The following RBFOX1 variants were observed in gnomAD, a reference collection of about 807,000 sequenced individuals.
The protein encoded by RBFOX1 is RNA binding fox-1 homolog 1.
RBFOX1 carries 8 observed loss-of-function variants against 57.7 expected under a neutral mutation model. The observed-to-expected ratio is 0.14, with a 90% CI of 0.08 to 0.25. The LOEUF (loss-of-function observed/expected upper bound fraction) is 0.25, where lower values mean the gene tolerates loss of function less well. RBFOX1 is among the 10% of genes least tolerant of loss of function. RBFOX1 has a pLI of 1.00. For synonymous variants in RBFOX1, 326 were observed against 222.4 expected (o/e 1.47, Z -4.15); for missense variants, 611 against 548.5 (o/e 1.11, Z -1.14).
At chr16:6,202,819 A>G (rs1358807403) in intron 1 of RBFOX1, among the ~76,000 whole-genome samples, 1 of 152,010 alleles carries the variant, frequency 6.6e-6, no homozygotes, top group African/African-American at 2.4e-5. Context: ...ACAGGATCTC[A>G]TTCTGTTGCC....
At chr16:7,310,071 G>A (rs958451828) in intron 4 of RBFOX1, among the ~76,000 whole-genome samples, 2 of 152,226 alleles carry the variant, frequency 1.3e-5, no homozygotes, top group African/African-American at 2.4e-5. Flanking sequence ...GCCCTATTGA[G>A]GGCGGCTGTG....
intron 3 of RBFOX1, among the ~76,000 whole-genome samples, chr16:7,038,071 TC>T (rs2045059916): frequency 6.6e-6 from 1 of 151,034 alleles, no homozygotes; most frequent in African/African-American, 2.4e-5. Context: ...GGTATGTAAA[TC>T]CCCCACTTGC....
At chr16:7,706,799 G>A (rs535627324) in intron 14 of RBFOX1, among the ~76,000 whole-genome samples, 31 of 152,216 alleles carry the variant, frequency 2.0e-4, no homozygotes, top group African/African-American at 6.5e-4. Flanking sequence ...ATGAAATAAA[G>A]AGCAGTACCA....
At chr16:7,163,605 A>C (rs1252203247) in intron 4 of RBFOX1, among the ~76,000 whole-genome samples, 1 of 151,958 alleles carries the variant, frequency 6.6e-6, no homozygotes, top group South Asian at 2.1e-4. Flanking sequence ...AGAGCAGAAT[A>C]AGCTGAGGAC....
chr16:5,691,502 G>A (rs1369896822), intron 3 of RBFOX1, among the ~76,000 whole-genome samples: 1 of 152,228 alleles, frequency 6.6e-6, no homozygotes, highest in African/African-American at 2.4e-5. Context: ...ATATATTTGT[G>A]TGTGTGTACA....
At chr16:7,106,089 T>C (rs1279127281) in intron 4 of RBFOX1, among the ~76,000 whole-genome samples, 1 of 152,198 alleles carries the variant, frequency 6.6e-6, no homozygotes, top group East Asian at 1.9e-4. Flanking sequence ...ACCTCCTGTC[T>C]TGAATTCCTC....
rs545279840 is a variant in RBFOX1 at position 6,164,399 on chromosome 16, T to C, written c.-127+144407T>C. Among the ~76,000 whole-genome samples the C allele has an allele frequency of 4.9e-4, 74 of 152,214 alleles. 2 individuals are homozygous for C. In the South Asian group the frequency reaches 0.015, roughly 30 times the overall value. ...TATTTGTATCCTGAGGAATCTTGCATTTCCAAAATATATATATATTAGTTA... is the reference window on the plus strand; with the variant it reads ...TATTTGTATCCTGAGGAATCTTGCACTTCCAAAATATATATATATTAGTTA... On this transcript the variant is annotated intron_variant, in intron 1 of 15. Transcript: ENST00000550418.
Position 7,049,680 on chromosome 16 carries a change from GT to G in RBFOX1, c.-15-2373del, listed in dbSNP as rs1201005497. 2.6e-5 allele frequency among the ~76,000 whole-genome samples: 4 copies of G among 152,024 alleles called. No individual in the cohort carries two copies. The East Asian group carries it at 5.8e-4, about 22-fold the overall frequency. On this transcript the variant is annotated intron_variant, in intron 3 of 15. Transcript: ENST00000550418. Reference sequence around the variant, plus strand: ...TGTGGCGGTACTTTAAATTTTGGTCGTTTTGTTCCCCCCTCCACTTGCTGCT... The same window carrying G: ...TGTGGCGGTACTTTAAATTTTGGTCGTTTGTTCCCCCCTCCACTTGCTGCT...
chr16:6,823,743 G>C (rs757919751), intron 3 of RBFOX1, among the ~76,000 whole-genome samples: 12 of 151,990 alleles, frequency 7.9e-5, no homozygotes, highest in Non-Finnish European at 1.5e-4. Context: ...TTGAAATTTT[G>C]AATGTTAAAT....
intron 1 of RBFOX1, among the ~76,000 whole-genome samples, chr16:6,175,625 A>G (rs954514622): frequency 1.3e-5 from 2 of 152,178 alleles, no homozygotes; most frequent in Non-Finnish European, 2.9e-5. Context: ...GCTGTAGGAT[A>G]GTACTAGAAT....
intron 3 of RBFOX1, among the ~76,000 whole-genome samples, chr16:6,984,296 C>G (rs980597629): frequency 3.9e-5 from 6 of 152,152 alleles, no homozygotes; most frequent in Admixed American, 2.0e-4. Context: ...CCTGTGTGAC[C>G]TAGAGAAATT....
At chr16:6,064,129 C>A (rs2095726927) in intron 1 of RBFOX1, among the ~76,000 whole-genome samples, 1 of 152,142 alleles carries the variant, frequency 6.6e-6, no homozygotes, top group Admixed American at 6.6e-5. Context: ...CTCCTTACTA[C>A]TGAAGGTATT....
intron 4 of RBFOX1, among the ~76,000 whole-genome samples, chr16:7,273,385 TA>T (rs1469172519): frequency 1.3e-5 from 2 of 152,242 alleles, no homozygotes; most frequent in African/African-American, 4.8e-5. Flanking sequence ...GTTGGACTGA[TA>T]TTCTGGATAA....
At chr16:7,395,113 C>T (rs1009620659) in intron 4 of RBFOX1, among the ~76,000 whole-genome samples, 1 of 151,604 alleles carries the variant, frequency 6.6e-6, no homozygotes, top group Non-Finnish European at 1.5e-5. Flanking sequence ...GAGTTAGTAT[C>T]CAATCTGTAG....
At chr16:7,005,157 C>T (rs189667853) in intron 3 of RBFOX1, among the ~76,000 whole-genome samples, 42 of 151,406 alleles carry the variant, frequency 2.8e-4, no homozygotes, top group Non-Finnish European at 4.9e-4. Flanking sequence ...AAACAAAAAA[C>T]GAAAAAAAAC....
At chr16:6,843,764 G>C (rs1055412512) in intron 3 of RBFOX1, among the ~76,000 whole-genome samples, 2 of 152,158 alleles carry the variant, frequency 1.3e-5, no homozygotes, top group Admixed American at 1.3e-4. Flanking sequence ...AGTAGATTTA[G>C]GAACGTATCC....
chr16:5,320,213 C>T (rs2064364956), intron 1 of RBFOX1, among the ~76,000 whole-genome samples: 1 of 152,106 alleles, frequency 6.6e-6, no homozygotes, highest in African/African-American at 2.4e-5. Flanking sequence ...TTAGCTCATT[C>T]TGGTAGTTGA....
At position 7,614,066 on chromosome 16, in the gene RBFOX1, A is replaced by G. The variant is rs1197515637; in HGVS notation, c.676+6728A>G. 4.6e-5 allele frequency among the ~76,000 whole-genome samples: 7 copies of G among 152,204 alleles called. No homozygotes were observed. In the East Asian group the frequency reaches 1.3e-3, roughly 29 times the overall value. On this transcript the variant is annotated intron_variant, in intron 10 of 15. Coordinates refer to ENST00000550418, the MANE Select transcript of RBFOX1 (RefSeq NM_018723.4). ...TATTCAGGTGCCCCTCTTGGCTCCA[A>G]CACTTTCTCATACCCACCAGGAGGA...
intron 4 of RBFOX1, among the ~76,000 whole-genome samples, chr16:7,461,656 TAAC>T (rs1164843831): frequency 6.6e-6 from 1 of 152,170 alleles, no homozygotes; most frequent in East Asian, 1.9e-4. Flanking sequence ...TTGGAATTCA[TAAC>T]AACCCCATTC....
Sources: gnomAD v4.1 joint callset for allele counts (sites outside exome capture counted in the v4.1 genomes callset) on GRCh38, gnomAD v4.1.1 for gene constraint, MANE v1.5 for transcripts, NCBI Gene and HGNC (gene_info 2026-07-23, HGNC 2026-07-21) for gene names.